SH3RF1: variants seen among roughly 807,000 people sequenced by gnomAD.
SH3RF1 encodes SH3 domain containing ring finger 1, also known as E3 ubiquitin-protein ligase SH3RF1.
A neutral mutation model predicts 74.0 loss-of-function variants in SH3RF1; 32 were observed. The ratio of observed to expected loss-of-function variants is 0.43; its 90% confidence interval spans 0.33 to 0.58. SH3RF1 has a LOEUF of 0.58. SH3RF1 is among the 20% of genes least tolerant of loss of function. SH3RF1 has a pLI of 0.05. For synonymous variants in SH3RF1, 396 were observed against 439.6 expected, an observed-to-expected ratio of 0.90 and a Z score of 1.24; for missense variants, 954 against 1,130.9, an observed-to-expected ratio of 0.84 and a Z score of 2.24.
intron 6 of SH3RF1, among the ~76,000 whole-genome samples, chr4:169,125,764 C>CT (rs984482756): frequency 1.3e-5 from 2 of 152,178 alleles, no homozygotes; most frequent in Admixed American, 1.3e-4. Flanking sequence ...ACTTTCAACC[C>CT]TACATATCAA....
In SH3RF1 at chr4:169,117,731, C is replaced by T. The variant is rs755524119; in HGVS notation, c.1569G>A (p.Gln523=). The change falls in exon 9 of 12, where the codon CAG becomes CAA. Residue 523 remains glutamine (Q), a synonymous_variant. Coordinates refer to ENST00000284637, the MANE Select transcript of SH3RF1 (RefSeq NM_020870.4). Reference sequence around the variant, plus strand: ...TGACCATGGTCACTCCCCGACTTGTCTGGCCAGCTGTAGACATAGGGACTT... The same window carrying T: ...TGACCATGGTCACTCCCCGACTTGTTTGGCCAGCTGTAGACATAGGGACTT... ...QAKVPMSTAG[Q]TSRGVTMVSP... is the part of the protein sequence containing the mutation. 4.3e-6 allele frequency: 7 copies of T among 1,614,076 alleles called. No individual in the cohort carries two copies. In the East Asian group the frequency reaches 1.3e-4, roughly 31 times the overall value.
chr4:169,266,898 G>T (rs1036312076), intron 2 of SH3RF1, among the ~76,000 whole-genome samples: 7 of 152,176 alleles, frequency 4.6e-5, no homozygotes, highest in Non-Finnish European at 5.9e-5. Flanking sequence ...TCCTCCCCCA[G>T]CAAAGTAACA....
intron 2 of SH3RF1, among the ~76,000 whole-genome samples, chr4:169,246,170 C>T (rs1320152524): frequency 1.3e-5 from 2 of 152,100 alleles, no homozygotes; most frequent in Admixed American, 6.5e-5. Context: ...GGTGTTACTT[C>T]GTCAAGTTTT....
At chr4:169,246,787 T>A (rs1191037368) in intron 2 of SH3RF1, among the ~76,000 whole-genome samples, 1 of 152,238 alleles carries the variant, frequency 6.6e-6, no homozygotes, top group Admixed American at 6.5e-5. Context: ...CTAATGTAAG[T>A]CATTTAACTA....
chr4:169,130,177 A>T (rs538688703), intron 5 of SH3RF1, 21 bp from the exon 6 acceptor site: 1 of 1,502,376 alleles, frequency 6.7e-7, no homozygotes, highest in Admixed American at 2.4e-5. Flanking sequence ...AAGAAAAGTT[A>T]TTAAAAAGAA....
intron 2 of SH3RF1, among the ~76,000 whole-genome samples, chr4:169,158,258 A>G (rs923257866): frequency 6.6e-6 from 1 of 152,218 alleles, no homozygotes; most frequent in African/African-American, 2.4e-5. Context: ...ACATGAGCCA[A>G]GTCTTAAAGG....
chr4:169,223,830 T>G (rs1037709141), intron 2 of SH3RF1, among the ~76,000 whole-genome samples: 5 of 152,010 alleles, frequency 3.3e-5, no homozygotes, highest in African/African-American at 9.7e-5. Context: ...TGGATTCAAG[T>G]GTGGAAGAGG....
At chr4:169,147,232 T>C (rs1400579500) in intron 4 of SH3RF1, among the ~76,000 whole-genome samples, 1 of 152,206 alleles carries the variant, frequency 6.6e-6, no homozygotes, top group African/African-American at 2.4e-5. Flanking sequence ...GCCAAAAGTA[T>C]CATTCCAATG....
chr4:169,142,153 A>C (rs1733798337), intron 4 of SH3RF1, among the ~76,000 whole-genome samples: 1 of 151,126 alleles, frequency 6.6e-6, no homozygotes, highest in Non-Finnish European at 1.5e-5. Flanking sequence ...ATGGGGTTTC[A>C]CCATACTGGT....
chr4:169,141,099 C>T (rs1733778194), intron 4 of SH3RF1, among the ~76,000 whole-genome samples: 1 of 151,758 alleles, frequency 6.6e-6, no homozygotes. Flanking sequence ...ATTGGACACC[C>T]TTGGTATAGA....
chr4:169,191,003 C>T (rs1372982259), intron 2 of SH3RF1, among the ~76,000 whole-genome samples: 1 of 152,104 alleles, frequency 6.6e-6, no homozygotes, highest in Non-Finnish European at 1.5e-5. Flanking sequence ...GCAGAAAAAG[C>T]ATTCGACAAA....
chr4:169,245,027 AT>A (rs1303990630), intron 2 of SH3RF1, among the ~76,000 whole-genome samples: 1 of 152,222 alleles, frequency 6.6e-6, no homozygotes, highest in Non-Finnish European at 1.5e-5. Context: ...CGGATATTCC[AT>A]CTTAATGATA....
intron 4 of SH3RF1, among the ~76,000 whole-genome samples, chr4:169,137,931 C>T (rs547470108): frequency 4.9e-4 from 75 of 152,298 alleles, no homozygotes; most frequent in African/African-American, 1.7e-3. Flanking sequence ...TCAAACATGA[C>T]CATATCTCTT....
At chr4:169,157,923 A>AGTAG (rs538649099) in intron 2 of SH3RF1, among the ~76,000 whole-genome samples, 60,402 of 151,576 alleles carry the variant, frequency 0.4, 12,652 homozygotes, top group African/African-American at 0.54. Context: ...GTATTTTTAC[A>AGTAG]AAATGGGGTC....
chr4:169,214,189 G>GT (rs1730424841), intron 2 of SH3RF1, among the ~76,000 whole-genome samples: 5 of 152,172 alleles, frequency 3.3e-5, no homozygotes, highest in Non-Finnish European at 7.3e-5. Flanking sequence ...AATAATGAGT[G>GT]AGCTCTCACG....
intron 2 of SH3RF1, among the ~76,000 whole-genome samples, chr4:169,206,851 G>A (rs982847789): frequency 3.3e-5 from 5 of 152,180 alleles, no homozygotes; most frequent in Non-Finnish European, 7.3e-5. Context: ...TAAAAAGAAA[G>A]AGGCCAGGTT....
chr4:169,176,951 A>G (rs996133163), intron 2 of SH3RF1, among the ~76,000 whole-genome samples: 1 of 151,672 alleles, frequency 6.6e-6, no homozygotes, highest in African/African-American at 2.4e-5. Flanking sequence ...TTGTTGTTGT[A>G]AAGACAGGGT....
intron 2 of SH3RF1, among the ~76,000 whole-genome samples, chr4:169,209,015 C>T (rs1268398937): frequency 6.6e-5 from 10 of 151,942 alleles, no homozygotes; most frequent in African/African-American, 2.2e-4. Flanking sequence ...TAGGACAGGG[C>T]GTGGTGGCTC....
At chr4:169,158,401 T>C (rs1002312097) in intron 2 of SH3RF1, among the ~76,000 whole-genome samples, 1 of 152,132 alleles carries the variant, frequency 6.6e-6, no homozygotes, top group African/African-American at 2.4e-5. Context: ...CTGGGGAGCA[T>C]AAAGAATGCA....
Sources: allele counts gnomAD v4.1 joint callset (sites outside exome capture counted in the v4.1 genomes callset), GRCh38; gene constraint gnomAD v4.1.1; transcripts MANE v1.5; gene names NCBI Gene and HGNC (gene_info 2026-07-23, HGNC 2026-07-21).